NLRP14: variants seen among roughly 807,000 people sequenced by gnomAD.
NLRP14 encodes NLR family pyrin domain containing 14, also known as NACHT, LRR and PYD domains-containing protein 14.
A neutral mutation model predicts 94.7 loss-of-function variants in NLRP14; 105 were observed. The observed-to-expected ratio is 1.11, with a 90% CI of 0.95 to 1.30. NLRP14 has a LOEUF of 1.30. Among genes scored for constraint, NLRP14 ranks in the 50% most tolerant of loss-of-function variants. NLRP14 has a pLI of 0.00. For synonymous variants in NLRP14, 508 were observed against 459.9 expected (o/e 1.10, Z -1.34); for missense variants, 1,362 against 1,254.1 (o/e 1.09, Z -1.30).
the NLRP14 span, among the ~76,000 whole-genome samples, chr11:7,085,237 G>A: frequency 5.9e-5 from 9 of 152,106 alleles, no homozygotes; most frequent in African/African-American, 2.2e-4. Flanking sequence ...AGGTTTATTC[G>A]TATTTACTGT....
At chr11:7,027,606 G>A (rs1388277578) in intron 1 of NLRP14, among the ~76,000 whole-genome samples, 4 of 152,088 alleles carry the variant, frequency 2.6e-5, no homozygotes, top group African/African-American at 9.7e-5. Context: ...TTCCCTCTCA[G>A]CTACTGTATC....
intron 1 of NLRP14, among the ~76,000 whole-genome samples, chr11:7,029,453 A>G (rs1391681195): frequency 6.6e-6 from 1 of 152,222 alleles, no homozygotes; most frequent in Non-Finnish European, 1.5e-5. Flanking sequence ...TTCCAAATAT[A>G]AGTTTATATA....
At chr11:7,028,662 T>TC (rs1307814944) in intron 1 of NLRP14, among the ~76,000 whole-genome samples, 2 of 152,084 alleles carry the variant, frequency 1.3e-5, no homozygotes, top group African/African-American at 2.4e-5. Context: ...CTTTCTCATT[T>TC]CCCCCCATTT....
chr11:7,047,931 T>C (rs955430082), intron 5 of NLRP14, among the ~76,000 whole-genome samples: 2 of 151,404 alleles, frequency 1.3e-5, no homozygotes, highest in Non-Finnish European at 2.9e-5. Flanking sequence ...GGCTAATTTT[T>C]GTATTTTTAG....
At chr11:7,090,485 G>C in the NLRP14 span, 2 of 776,638 alleles carry the variant, frequency 2.6e-6, no homozygotes, top group Non-Finnish European at 4.2e-6. Context: ...GTTTAGTTTA[G>C]TTTTGGAATT....
chr11:7,051,144 G>T (rs1453023629), intron 6 of NLRP14, among the ~76,000 whole-genome samples: 2 of 152,128 alleles, frequency 1.3e-5, no homozygotes, highest in East Asian at 3.9e-4. Flanking sequence ...CATCTTTCTG[G>T]GTCAACTAGT....
intron 9 of NLRP14, among the ~76,000 whole-genome samples, chr11:7,060,882 A>G (rs911134125): frequency 1.3e-5 from 2 of 152,058 alleles, no homozygotes; most frequent in African/African-American, 4.8e-5. Context: ...ATACATTGAA[A>G]TACTTATTTC....
intron 1 of NLRP14, among the ~76,000 whole-genome samples, chr11:7,035,063 G>A (rs912913815): frequency 6.6e-6 from 1 of 152,050 alleles, no homozygotes; most frequent in African/African-American, 2.4e-5. Context: ...AGGCCTAGGT[G>A]GGCAGATCAC....
At chr11:7,078,747 C>G in the NLRP14 span, among the ~76,000 whole-genome samples, 2 of 152,020 alleles carry the variant, frequency 1.3e-5, no homozygotes, top group Non-Finnish European at 2.9e-5. Flanking sequence ...AAGATCGCAC[C>G]ATTGCACTCC....
At chr11:7,079,846 C>T in the NLRP14 span, among the ~76,000 whole-genome samples, 1 of 152,160 alleles carries the variant, frequency 6.6e-6, no homozygotes, top group Non-Finnish European at 1.5e-5. Flanking sequence ...TTGGACCCCA[C>T]AATCTAAGCT....
chr11:7,077,953 T>TG, the NLRP14 span, among the ~76,000 whole-genome samples: 2 of 151,796 alleles, frequency 1.3e-5, no homozygotes, highest in African/African-American at 4.8e-5. Context: ...GGAGGTGGGG[T>TG]GGGGGGGACC....
At chr11:7,021,626 GTATT>G (rs1268822297) in intron 1 of NLRP14, among the ~76,000 whole-genome samples, 3 of 151,990 alleles carry the variant, frequency 2.0e-5, no homozygotes, top group South Asian at 2.1e-4. Context: ...AAATTGCAAT[GTATT>G]TATTTATTTA....
chr11:7,043,823 G>A lies in NLRP14; in HGVS notation c.1797G>A (p.Met599Ile). ...ATAAAGCGTTTATAAGCCAGGCAAT[G>A]AGATGTTTCCCAAAGGTTGCCATTA... ...TQDKAFISQA[M>I]RCFPKVAINI... Residue 599 changes from methionine to isoleucine, a missense_variant, in exon 4 of 12, where the codon ATG becomes ATA. Physicochemically the swap from Met to Ile is conservative, Grantham distance 10 (BLOSUM62 1). Coordinates refer to ENST00000299481, the MANE Select transcript of NLRP14 (RefSeq NM_176822.4). 6.2e-7 allele frequency: 1 copy of A among 1,614,204 alleles called. No individual in the cohort carries two copies. Among genetic ancestry groups the A allele is most frequent in the Non-Finnish European group, 8.5e-7 (1 of 1,180,020 alleles).
At chr11:7,023,928 C>G (rs544156365) in intron 1 of NLRP14, among the ~76,000 whole-genome samples, 2 of 152,120 alleles carry the variant, frequency 1.3e-5, no homozygotes, top group Admixed American at 1.3e-4. Flanking sequence ...AGGGACACAC[C>G]CCCATTACCC....
the NLRP14 span, among the ~76,000 whole-genome samples, chr11:7,084,619 A>G: frequency 6.6e-6 from 1 of 152,214 alleles, no homozygotes; most frequent in Non-Finnish European, 1.5e-5. Flanking sequence ...GGCTCACTCC[A>G]GCTTCATGGG....
At chr11:7,024,453 G>T (rs1240563898) in intron 1 of NLRP14, among the ~76,000 whole-genome samples, 1 of 152,168 alleles carries the variant, frequency 6.6e-6, no homozygotes, top group African/African-American at 2.4e-5. Flanking sequence ...CCTGGTTTCA[G>T]CTACATGACA....
chr11:7,069,913 C>CA (rs1421067975), intron 10 of NLRP14, among the ~76,000 whole-genome samples: 1 of 152,188 alleles, frequency 6.6e-6, no homozygotes, highest in Non-Finnish European at 1.5e-5. Flanking sequence ...AGGCATGAGC[C>CA]ACCATGCCTG....
chr11:7,089,805 C>T, the NLRP14 span: 5 of 1,605,618 alleles, frequency 3.1e-6, no homozygotes, highest in Admixed American at 3.3e-5. Context: ...CCGCGAACCC[C>T]GGGGTTTTGC....
chr11:7,081,213 C>T, the NLRP14 span, among the ~76,000 whole-genome samples: 1 of 152,030 alleles, frequency 6.6e-6, no homozygotes, highest in African/African-American at 2.4e-5. Context: ...TTAAGGTGAA[C>T]TTTAGAATTA....
Sources: gnomAD v4.1 joint callset for allele counts (sites outside exome capture counted in the v4.1 genomes callset) on GRCh38, gnomAD v4.1.1 for gene constraint, MANE v1.5 for transcripts, NCBI Gene and HGNC (gene_info 2026-07-23, HGNC 2026-07-21) for gene names.